The following LAYN variants were observed in gnomAD, a reference collection of about 807,000 sequenced individuals.
LAYN encodes the protein layilin.
LAYN carries 38 observed loss-of-function variants against 43.6 expected under a neutral mutation model. The observed-to-expected ratio is 0.87, with a 90% CI of 0.67 to 1.14. The LOEUF (loss-of-function observed/expected upper bound fraction) is 1.14, where lower values mean the gene tolerates loss of function less well. LAYN is among the 50% of genes most tolerant of loss of function. The pLI, the probability that LAYN is intolerant of heterozygous loss-of-function variation, is 0.00. For synonymous variants in LAYN, 168 were observed against 172.9 expected (o/e 0.97, Z 0.22); for missense variants, 479 against 463.8 (o/e 1.03, Z -0.30).
chr11:111,544,116 TG>T lies in LAYN; in HGVS notation c.281del (p.Gly94ValfsTer77). The T allele has an allele frequency of 1.9e-6, 3 of 1,614,188 alleles. No homozygotes were observed. Among genetic ancestry groups the T allele is most frequent in the Non-Finnish European group, 2.5e-6 (3 of 1,180,030 alleles). On this transcript the variant is annotated frameshift_variant, in exon 2 of 7. Coordinates refer to ENST00000375614, the MANE Select transcript of LAYN (RefSeq NM_178834.5). LOFTEE classifies it high-confidence loss of function. ...TCATTGAAAACCTCTTGCCATCTGA[TG>T]GTGACTTCTGGATTGGGCTCAGGAG... The part of the protein sequence containing the change: ...KFIENLLPSD[G>X]DFWIGLRRRE...
chr11:111,560,125 G>A lies in LAYN; in HGVS notation c.792G>A (p.Lys264=). The A allele has an allele frequency of 1.2e-6, 2 of 1,613,050 alleles. No individual in the cohort carries two copies. The highest frequency in any genetic ancestry group is 1.7e-6 in the Non-Finnish European group (2 of 1,179,290). The change falls in exon 7 of 7, where the codon AAG becomes AAA. Residue 264 remains lysine (K), a synonymous_variant. Coordinates refer to ENST00000375614, the MANE Select transcript of LAYN (RefSeq NM_178834.5). ...GGGAGCAGCCAGACCCTAGCACAAA[G>A]AAGCAACACACCATCTGGCCCTCTC... The part of the protein sequence containing the change: ...RKREQPDPST[K]KQHTIWPSPH...
chr11:111,552,078 T>C (rs1565270011), intron 3 of LAYN, among the ~76,000 whole-genome samples: 2 of 151,598 alleles, frequency 1.3e-5, no homozygotes, highest in African/African-American at 2.4e-5. Context: ...GATACAAAGA[T>C]AGAGGAGAGA....
chr11:111,558,323 C>T (rs1333093391), intron 6 of LAYN, among the ~76,000 whole-genome samples: 1 of 151,966 alleles, frequency 6.6e-6, no homozygotes, highest in Non-Finnish European at 1.5e-5. Flanking sequence ...AAAACTAAGG[C>T]CCAATTTAAG....
chr11:111,545,467 A>G (rs1238169628), intron 2 of LAYN, among the ~76,000 whole-genome samples: 2 of 152,144 alleles, frequency 1.3e-5, no homozygotes, highest in African/African-American at 4.8e-5. Flanking sequence ...TGGGCAAGCA[A>G]ATTCCAAGAG....
chr11:111,555,105 T>G, intron 4 of LAYN, 102 bp from the exon 5 acceptor site: 1 of 861,844 alleles, frequency 1.2e-6, no homozygotes, highest in Non-Finnish European at 1.9e-6. Context: ...CTGGCAAAAT[T>G]TCTACAGCTT....
At chr11:111,546,252 A>C (rs1187333987) in intron 2 of LAYN, among the ~76,000 whole-genome samples, 1 of 152,050 alleles carries the variant, frequency 6.6e-6, no homozygotes, top group African/African-American at 2.4e-5. Context: ...ACATCCCTCT[A>C]TCCAAAACCT....
At chr11:111,548,960 C>T (rs1021663310) in intron 2 of LAYN, among the ~76,000 whole-genome samples, 31 of 152,316 alleles carry the variant, frequency 2.0e-4, no homozygotes, top group Admixed American at 1.8e-3. Flanking sequence ...TGCTAATGCA[C>T]CCCTCTAGGG....
Position 111,540,795 on chromosome 11 carries a change from C to G in LAYN, c.-49C>G. ...GCGCACGCCTCTGCCCGCCAGCCCG[C>G]TCCACCGCCGTAGCGCCCGAGTGTC... is the stretch of plus-strand genomic sequence containing the variant. On this transcript the variant is annotated 5_prime_UTR_variant, in exon 1 of 7. Coordinates refer to ENST00000375614, the MANE Select transcript of LAYN (RefSeq NM_178834.5). 6.7e-7 allele frequency: 1 copy of G among 1,499,136 alleles called. No individual in the cohort carries two copies. Among genetic ancestry groups the G allele is most frequent in the African/African-American group, 1.4e-5 (1 of 69,240 alleles). 92.9% of individuals were successfully genotyped at this position (1,499,136 alleles called of 1,614,324 possible). A position where few individuals can be genotyped will look rare whatever the true frequency, so the allele number is the denominator to read the frequency against.
Position 111,544,202 on chromosome 11 carries a change from G to C in LAYN, c.365G>C (p.Gly122Ala). 1 of 1,613,246 alleles carries C rather than the reference G, an allele frequency of 6.2e-7. No individual in the cohort carries two copies. Among genetic ancestry groups the C allele is most frequent in the East Asian group, 2.2e-5 (1 of 44,876 alleles). Residue 122 changes from glycine to alanine, a missense_variant, in exon 2 of 7, where the codon GGC (glycine) becomes GCC (alanine). By Grantham distance (60) the Gly-to-Ala change is moderately conservative. Transcript: ENST00000375614. ...ACQDLYAWTDGSISQFRNWYV... is the reference protein window; with the variant it reads ...ACQDLYAWTDASISQFRNWYV... Reference sequence around the variant, plus strand: ...CAGGACCTTTATGCTTGGACTGATGGCAGCATATCACAATTTAGGTAAGTG... The same window carrying C: ...CAGGACCTTTATGCTTGGACTGATGCCAGCATATCACAATTTAGGTAAGTG...
intron 5 of LAYN, among the ~76,000 whole-genome samples, chr11:111,557,017 G>C (rs554297122): frequency 1.3e-5 from 2 of 152,220 alleles, no homozygotes; most frequent in Non-Finnish European, 2.9e-5. Context: ...CTCTTTCCTG[G>C]TAATGACACT....
chr11:111,557,072 A>G (rs566051242), intron 5 of LAYN, among the ~76,000 whole-genome samples: 1 of 151,968 alleles, frequency 6.6e-6, no homozygotes, highest in East Asian at 1.9e-4. Flanking sequence ...CCCCCATCCC[A>G]TCGTGGGAAC....
intron 3 of LAYN, among the ~76,000 whole-genome samples, chr11:111,552,212 G>T (rs776818143): frequency 2.0e-5 from 3 of 151,984 alleles, no homozygotes; most frequent in Non-Finnish European, 4.4e-5. Flanking sequence ...AAAATAAGAA[G>T]TTAAAAAAAT....
At chr11:111,553,956 G>C (rs915397090) in intron 3 of LAYN, among the ~76,000 whole-genome samples, 3 of 152,126 alleles carry the variant, frequency 2.0e-5, no homozygotes, top group Non-Finnish European at 4.4e-5. Context: ...AAAAACATTT[G>C]ATGTCAATTA....
intron 5 of LAYN, among the ~76,000 whole-genome samples, chr11:111,556,495 A>G (rs1250998573): frequency 6.6e-6 from 1 of 152,156 alleles, no homozygotes; most frequent in African/African-American, 2.4e-5. Flanking sequence ...AAACCCTCTT[A>G]TGGTCTGAGG....
At chr11:111,548,977 G>A (rs1456005659) in intron 2 of LAYN, among the ~76,000 whole-genome samples, 1 of 152,218 alleles carries the variant, frequency 6.6e-6, no homozygotes, top group African/African-American at 2.4e-5. Context: ...AGGGGGCTAG[G>A]GAGACAAAGA....
chr11:111,554,388 A>C (rs1867798167), intron 3 of LAYN, among the ~76,000 whole-genome samples, 173 bp from the exon 4 acceptor site: 1 of 152,256 alleles, frequency 6.6e-6, no homozygotes, highest in Admixed American at 6.5e-5. Flanking sequence ...GTCTTTGTGC[A>C]AAAGCAATTA....
chr11:111,560,567 G>A lies in LAYN; in HGVS notation c.*109G>A, dbSNP rs1475220074. On this transcript the variant is annotated 3_prime_UTR_variant, in exon 7 of 7. Transcript: ENST00000375614. Reference sequence around the variant, plus strand: ...AAGGTCTATGAACAAGCTTAGATCAGGTCCTGTGGATGAGCATGTGGTCCC... The same window carrying A: ...AAGGTCTATGAACAAGCTTAGATCAAGTCCTGTGGATGAGCATGTGGTCCC... The A allele has an allele frequency of 7.9e-7, 1 of 1,260,822 alleles. No homozygotes were observed. Among genetic ancestry groups the A allele is most frequent in the Non-Finnish European group, 1.1e-6 (1 of 924,846 alleles). 78.1% of individuals were successfully genotyped at this position (1,260,822 alleles called of 1,614,324 possible). A position where few individuals can be genotyped will look rare whatever the true frequency, so the allele number is the denominator to read the frequency against.
chr11:111,544,251 C>T (rs746117246), intron 2 of LAYN, 31 bp downstream of exon 2: 14 of 1,582,286 alleles, frequency 8.8e-6, no homozygotes, highest in Admixed American at 1.8e-5. Flanking sequence ...GCTGCTGACT[C>T]ACTTGACATA....
chr11:111,544,279 G>C, intron 2 of LAYN, 59 bp downstream of exon 2: 1 of 1,528,100 alleles, frequency 6.5e-7, no homozygotes, highest in Non-Finnish European at 8.8e-7. Context: ...AAAGAGGCAG[G>C]CTGGATCCAC....
Sources: gnomAD v4.1 joint callset for allele counts (sites outside exome capture counted in the v4.1 genomes callset) on GRCh38, gnomAD v4.1.1 for gene constraint, MANE v1.5 for transcripts, NCBI Gene and HGNC (gene_info 2026-07-23, HGNC 2026-07-21) for gene names.